TCEA1: variants seen among roughly 807,000 people sequenced by gnomAD.
TCEA1 encodes the protein transcription elongation factor A protein 1.
In TCEA1, 21 loss-of-function variants were observed where a neutral mutation model predicts 43.8. That is an observed-to-expected ratio of 0.48 (90% CI 0.34 to 0.69). The LOEUF (loss-of-function observed/expected upper bound fraction) is 0.69, where lower values mean the gene tolerates loss of function less well. Among genes scored for constraint, TCEA1 ranks in the 30% least tolerant of loss-of-function variants. TCEA1 has a pLI of 0.01. For synonymous variants in TCEA1, 104 were observed against 117.5 expected (o/e 0.88, Z 0.75); for missense variants, 250 against 365.1 (o/e 0.68, Z 2.57).
intron 9 of TCEA1, 55 bp from the exon 10 acceptor site, chr8:53,968,167 TC>T (rs1341442662): frequency 1.4e-6 from 2 of 1,410,392 alleles, no homozygotes; most frequent in African/African-American, 2.8e-5. Flanking sequence ...TAAGGTACAT[TC>T]CCCATTTAAT....
intron 3 of TCEA1, among the ~76,000 whole-genome samples, chr8:53,994,819 C>T (rs1459470387): frequency 1.3e-5 from 2 of 150,972 alleles, no homozygotes; most frequent in Middle Eastern, 3.4e-3. Context: ...TGCAGTGAGC[C>T]GAGATCATAC....
chr8:53,986,909 T>C, intron 6 of TCEA1, 60 bp downstream of exon 6: 1 of 1,357,562 alleles, frequency 7.4e-7, no homozygotes, highest in Non-Finnish European at 1.0e-6. Context: ...GGCATTTGCA[T>C]ATGTTCAATA....
intron 2 of TCEA1, among the ~76,000 whole-genome samples, chr8:54,001,245 T>C (rs994484376): frequency 2.0e-5 from 3 of 152,056 alleles, no homozygotes; most frequent in Non-Finnish European, 4.4e-5. Context: ...ACATATGGTC[T>C]ATGGAAGAAA....
intron 2 of TCEA1, chr8:54,002,967 T>C: frequency 2.2e-6 from 1 of 456,178 alleles, no homozygotes. Context: ...AAGGAATGAG[T>C]ACTGAGATCA....
At chr8:53,977,731 C>T (rs1803375914) in intron 8 of TCEA1, among the ~76,000 whole-genome samples, 1 of 151,948 alleles carries the variant, frequency 6.6e-6, no homozygotes, top group African/African-American at 2.4e-5. Flanking sequence ...CACATATGCA[C>T]ATGCAACCAA....
chr8:53,985,313 G>A (rs754337905), intron 6 of TCEA1, among the ~76,000 whole-genome samples: 24 of 152,172 alleles, frequency 1.6e-4, no homozygotes, highest in Non-Finnish European at 2.5e-4. Context: ...CACCGCGCCC[G>A]GCCTAGTCAT....
At chr8:53,973,104 G>A in intron 8 of TCEA1, 1 of 642,730 alleles carries the variant, frequency 1.6e-6, no homozygotes, top group Admixed American at 1.9e-5. Context: ...AAATGAAGAG[G>A]AGATAGAAGA....
chr8:53,986,503 T>G (rs956947506), intron 6 of TCEA1, among the ~76,000 whole-genome samples: 8 of 152,218 alleles, frequency 5.3e-5, no homozygotes, highest in Non-Finnish European at 1.0e-4. Context: ...GTTTTCAAAT[T>G]GCCAACGAGA....
At chr8:53,997,516 C>T (rs564346035) in intron 3 of TCEA1, among the ~76,000 whole-genome samples, 1 of 152,292 alleles carries the variant, frequency 6.6e-6, no homozygotes, top group African/African-American at 2.4e-5. Context: ...ACATAACATG[C>T]TTAAACAGTA....
At position 54,010,505 on chromosome 8, in the gene TCEA1, A is replaced by G; in HGVS notation, c.64-13T>C. On this transcript the variant is annotated splice_polypyrimidine_tract_variant and intron_variant, in intron 1 of 9. Transcript: ENST00000521604. ...CCAATGCTCCAGCCTATAAAATAAA[A>G]TAATTTCATATTGAATTCCCAAGAT... The G allele has an allele frequency of 1.3e-6, 2 of 1,573,498 alleles. No individual in the cohort carries two copies. Among genetic ancestry groups the G allele is most frequent in the South Asian group, 1.2e-5 (1 of 84,546 alleles).
intron 2 of TCEA1, among the ~76,000 whole-genome samples, chr8:54,004,982 A>G (rs1261971157): frequency 7.5e-6 from 1 of 133,862 alleles, no homozygotes; most frequent in Non-Finnish European, 1.6e-5. Flanking sequence ...ACTAGCCCAA[A>G]TATTTGTCTT....
chr8:54,019,415 C>T (rs1396646755), intron 1 of TCEA1, among the ~76,000 whole-genome samples: 8 of 151,794 alleles, frequency 5.3e-5, no homozygotes, highest in South Asian at 2.1e-4. Context: ...ACTAAAAATA[C>T]GAAAATTAGC....
chr8:53,969,350 T>C (rs1254218122), intron 9 of TCEA1, among the ~76,000 whole-genome samples: 3 of 151,956 alleles, frequency 2.0e-5, no homozygotes, highest in African/African-American at 7.3e-5. Flanking sequence ...TAAAGTGGAG[T>C]TGAAGAAGCC....
At chr8:53,994,407 C>T (rs563144679) in intron 3 of TCEA1, among the ~76,000 whole-genome samples, 1 of 152,178 alleles carries the variant, frequency 6.6e-6, no homozygotes, top group South Asian at 2.1e-4. Flanking sequence ...TAATAAATTT[C>T]CATAAAGTTA....
At chr8:54,013,698 AAAAAC>A (rs1804731479) in intron 1 of TCEA1, among the ~76,000 whole-genome samples, 1 of 149,094 alleles carries the variant, frequency 6.7e-6, no homozygotes, top group East Asian at 2.0e-4. Flanking sequence ...AAAAAAAAAA[AAAAAC>A]AAAAAACAGA....
At position 53,967,218 on chromosome 8, in the gene TCEA1, A is replaced by G. The variant is rs958274422; in HGVS notation, c.*886T>C. On this transcript the variant is annotated 3_prime_UTR_variant, in exon 10 of 10. Transcript: ENST00000521604. ...AGTATAGATTTCCGAATCAAAATCT[A>G]GTCATGAACTGTTTACAATAGCTAT... is the stretch of plus-strand genomic sequence containing the variant. 4.9e-6 allele frequency: 1 copy of G among 202,940 alleles called. No individual in the cohort carries two copies. The highest frequency in any genetic ancestry group is 1.0e-5 in the Non-Finnish European group (1 of 98,574). 12.6% of individuals were successfully genotyped at this position (202,940 alleles called of 1,614,324 possible).
rs189162636 is a variant in TCEA1 at position 54,012,574 on chromosome 8, A to G, written c.64-2082T>C. On this transcript the variant is annotated intron_variant, in intron 1 of 9. Transcript: ENST00000521604. The stretch of plus-strand genomic sequence containing the variant: ...ACTCCGTCTCAAAAAAACAAAAAAC[A>G]AAACAAAAAAAAGAAATGTTAATGT... Among the ~76,000 whole-genome samples, 197 of 152,266 alleles carry G rather than the reference A, an allele frequency of 1.3e-3. 1 individual carries two copies. The highest frequency in any genetic ancestry group is 4.6e-4 in the Non-Finnish European group (31 of 68,012).
chr8:53,971,777 CCA>C (rs1803164915), intron 8 of TCEA1: 1 of 236,198 alleles, frequency 4.2e-6, no homozygotes, highest in African/African-American at 2.4e-5. Flanking sequence ...AGAAAAAACT[CCA>C]GACTAAAAAA....
chr8:53,998,879 A>G lies in TCEA1; in HGVS notation c.232+1066T>C, dbSNP rs145670858. 6.8e-3 allele frequency among the ~76,000 whole-genome samples: 1,041 copies of G among 152,310 alleles called. 19 individuals carry two copies. Among genetic ancestry groups the G allele is most frequent in the African/African-American group, 0.02 (838 of 41,550 alleles). On this transcript the variant is annotated intron_variant, in intron 3 of 9. Coordinates refer to ENST00000521604, the MANE Select transcript of TCEA1 (RefSeq NM_006756.4). ...GAGAAGGGATACCTGTATTCTTCAA[A>G]ATGTCAATTTCATAAAAGATAAAGA...
Sources: allele counts gnomAD v4.1 joint callset (sites outside exome capture counted in the v4.1 genomes callset), GRCh38; gene constraint gnomAD v4.1.1; transcripts MANE v1.5; gene names NCBI Gene and HGNC (gene_info 2026-07-23, HGNC 2026-07-21).